The following RAB6B variants were observed in gnomAD, a reference collection of about 807,000 sequenced individuals.
RAB6B encodes RAB6B, member RAS oncogene family.
RAB6B carries 7 observed loss-of-function variants against 31.2 expected under a neutral mutation model. The observed-to-expected ratio is 0.22, with a 90% CI of 0.13 to 0.42. The LOEUF (loss-of-function observed/expected upper bound fraction) is 0.42. RAB6B is among the 10% of genes least tolerant of loss of function. The pLI, the probability that RAB6B is intolerant of heterozygous loss-of-function variation, is 1.00. For synonymous variants in RAB6B, 105 were observed against 104.9 expected (o/e 1.00, Z -0.01); for missense variants, 149 against 280.6 (o/e 0.53, Z 3.35).
intron 2 of RAB6B, among the ~76,000 whole-genome samples, chr3:133,856,484 T>C (rs1020702944): frequency 2.6e-5 from 4 of 152,140 alleles, no homozygotes; most frequent in African/African-American, 9.7e-5. Flanking sequence ...AGCAGACTGC[T>C]GCTTGTGTCT....
At position 133,871,916 on chromosome 3, in the gene RAB6B, C is replaced by A. The variant is rs555693904; in HGVS notation, c.71-7274G>T. Among the ~76,000 whole-genome samples the A allele has an allele frequency of 2.0e-5, 3 of 152,364 alleles. No individual in the cohort carries two copies. The South Asian group carries it at 6.2e-4, about 32-fold the overall frequency. On this transcript the variant is annotated intron_variant, in intron 1 of 7. Transcript: ENST00000285208. ...CTGGCCAAACAGTGGGATCCTGATC[C>A]TCCTGGGGTCCACAGAGCTGGGCTC...
intron 2 of RAB6B, 81 bp downstream of exon 2, chr3:133,864,503 A>C (rs964824162): frequency 7.0e-7 from 1 of 1,436,042 alleles, no homozygotes; most frequent in Non-Finnish European, 9.8e-7. Context: ...GGGCCATTCC[A>C]CTCCCACCCC....
At chr3:133,867,471 G>C (rs568260936) in intron 1 of RAB6B, among the ~76,000 whole-genome samples, 1 of 152,184 alleles carries the variant, frequency 6.6e-6, no homozygotes, top group Non-Finnish European at 1.5e-5. Context: ...TTCACACAAC[G>C]GGCATTAAGG....
chr3:133,846,399 A>G (rs1337283540), intron 2 of RAB6B, among the ~76,000 whole-genome samples: 1 of 152,234 alleles, frequency 6.6e-6, no homozygotes, highest in Non-Finnish European at 1.5e-5. Context: ...GTGAGCTGAG[A>G]TCGCACCACT....
chr3:133,859,519 A>T (rs553342713), intron 2 of RAB6B, among the ~76,000 whole-genome samples: 1 of 152,170 alleles, frequency 6.6e-6, no homozygotes, highest in Non-Finnish European at 1.5e-5. Flanking sequence ...TGTTTTCATC[A>T]TTGGGTCCTA....
chr3:133,886,288 C>T (rs1459485502), intron 1 of RAB6B, among the ~76,000 whole-genome samples: 1 of 152,232 alleles, frequency 6.6e-6, no homozygotes, highest in African/African-American at 2.4e-5. Flanking sequence ...ACGCCCATAG[C>T]CTTGCTTGTG....
intron 1 of RAB6B, among the ~76,000 whole-genome samples, chr3:133,877,201 TAG>T (rs1936409000): frequency 6.6e-6 from 1 of 152,100 alleles, no homozygotes; most frequent in African/African-American, 2.4e-5. Context: ...ACACAGCAGC[TAG>T]AGTTCAGAAG....
intron 1 of RAB6B, among the ~76,000 whole-genome samples, chr3:133,890,462 G>C (rs934156079): frequency 6.6e-6 from 1 of 152,056 alleles, no homozygotes; most frequent in Non-Finnish European, 1.5e-5. Context: ...AAAATTAGCC[G>C]GGCGTATTGG....
At chr3:133,894,065 C>T (rs1936672670) in intron 1 of RAB6B, among the ~76,000 whole-genome samples, 1 of 152,246 alleles carries the variant, frequency 6.6e-6, no homozygotes, top group Non-Finnish European at 1.5e-5. Flanking sequence ...AAGAGCCAGC[C>T]ACGTGACCTC....
chr3:133,884,947 C>T, intron 1 of RAB6B, among the ~76,000 whole-genome samples: 1 of 143,748 alleles, frequency 7.0e-6, no homozygotes, highest in South Asian at 2.3e-4. Flanking sequence ...GGGGCTCACA[C>T]ACCAATGATG....
chr3:133,839,310 A>C (rs2280673), intron 5 of RAB6B, among the ~76,000 whole-genome samples, 196 bp downstream of exon 5: 91,235 of 152,180 alleles, frequency 0.6, 27,839 homozygotes, highest in Non-Finnish European at 0.65. Context: ...GGTGGAAGAC[A>C]GGGCTTCACA....
intron 7 of RAB6B, among the ~76,000 whole-genome samples, chr3:133,834,097 G>A (rs997948064): frequency 4.6e-5 from 7 of 152,128 alleles, no homozygotes; most frequent in Non-Finnish European, 8.8e-5. Flanking sequence ...AGATCAGTGG[G>A]GAGCCTCAGG....
chr3:133,891,425 C>T (rs1417655070), intron 1 of RAB6B, among the ~76,000 whole-genome samples: 1 of 152,204 alleles, frequency 6.6e-6, no homozygotes, highest in African/African-American at 2.4e-5. Flanking sequence ...CAGTAGCCTA[C>T]TGCCTATAGA....
rs1463925077 is a variant in RAB6B, at chr3:133,824,752, T to C, written c.*4036A>G. The C allele has an allele frequency of 1.3e-5, 2 of 152,218 alleles. No homozygotes were observed. Among genetic ancestry groups the C allele is most frequent in the African/African-American group, 2.4e-5 (1 of 41,442 alleles). 9.4% of individuals were successfully genotyped at this position (152,218 alleles called of 1,614,324 possible). ...AATACCACCAATATTCTCACTCATA[T>C]GCTGGGAAGAACCTAGTGTCCTAAC... On this transcript the variant is annotated 3_prime_UTR_variant, in exon 8 of 8. Transcript: ENST00000285208.
At chr3:133,830,094 C>T (rs529162626) in intron 7 of RAB6B, among the ~76,000 whole-genome samples, 1 of 152,270 alleles carries the variant, frequency 6.6e-6, no homozygotes, top group African/African-American at 2.4e-5. Flanking sequence ...TGCTTCTCTA[C>T]TGCCCATCAT....
intron 1 of RAB6B, among the ~76,000 whole-genome samples, chr3:133,872,413 CCT>C (rs1190162373): frequency 2.0e-5 from 3 of 152,262 alleles, no homozygotes; most frequent in African/African-American, 7.2e-5. Flanking sequence ...ATCCCTGTAA[CCT>C]CTGCTCATAG....
Position 133,877,467 on chromosome 3 carries a change from G to A in RAB6B, c.71-12825C>T, listed in dbSNP as rs559276542. On this transcript the variant is annotated intron_variant, in intron 1 of 7. Coordinates refer to ENST00000285208, the MANE Select transcript of RAB6B (RefSeq NM_016577.4). ...GATGCTGGGGAGAGTCCTCAGAAGG[G>A]CTGGGCCTCACAGTGGGTAATAATT... Among the ~76,000 whole-genome samples the A allele has an allele frequency of 1.3e-3, 198 of 152,250 alleles. 2 individuals carry two copies. Among genetic ancestry groups the A allele is most frequent in the African/African-American group, 4.5e-3 (186 of 41,540 alleles).
At chr3:133,866,758 G>A (rs1936242381) in intron 1 of RAB6B, among the ~76,000 whole-genome samples, 1 of 152,242 alleles carries the variant, frequency 6.6e-6, no homozygotes, top group Non-Finnish European at 1.5e-5. Flanking sequence ...GGAAAGTGGG[G>A]CAACCCTGAA....
intron 2 of RAB6B, among the ~76,000 whole-genome samples, chr3:133,861,945 T>C (rs1162863264): frequency 6.6e-6 from 1 of 152,104 alleles, no homozygotes; most frequent in African/African-American, 2.4e-5. Flanking sequence ...CTGGGGATCT[T>C]GTCTACTTCT....
Sources: gnomAD v4.1 joint callset for allele counts (sites outside exome capture counted in the v4.1 genomes callset) on GRCh38, gnomAD v4.1.1 for gene constraint, MANE v1.5 for transcripts, NCBI Gene and HGNC (gene_info 2026-07-23, HGNC 2026-07-21) for gene names.